The following CTIF variants were observed in gnomAD, a reference collection of about 807,000 sequenced individuals.
The protein encoded by CTIF is cap binding complex dependent translation initiation factor.
CTIF carries 21 observed loss-of-function variants against 66.0 expected under a neutral mutation model. That is an observed-to-expected ratio of 0.32 (90% CI 0.23 to 0.46). The LOEUF (loss-of-function observed/expected upper bound fraction) is 0.46. Among genes scored for constraint, CTIF ranks in the 20% least tolerant of loss-of-function variants. CTIF has a pLI of 1.00. For synonymous variants in CTIF, 345 were observed against 326.4 expected, an observed-to-expected ratio of 1.06 and a Z score of -0.62; for missense variants, 739 against 812.7, an observed-to-expected ratio of 0.91 and a Z score of 1.10.
intron 1 of CTIF, among the ~76,000 whole-genome samples, chr18:48,615,696 A>T (rs920979640): frequency 6.6e-6 from 1 of 152,218 alleles, no homozygotes; most frequent in African/African-American, 2.4e-5. Flanking sequence ...CTAGCTCCTC[A>T]TACTCCGGGT....
At chr18:48,798,278 A>T (rs117612268) in intron 9 of CTIF, among the ~76,000 whole-genome samples, 8 of 152,206 alleles carry the variant, frequency 5.3e-5, no homozygotes, top group Non-Finnish European at 1.0e-4. Context: ...ATTTAAAGAT[A>T]CAGTTAGACT....
intron 9 of CTIF, among the ~76,000 whole-genome samples, chr18:48,793,974 A>G (rs1231863854): frequency 1.3e-5 from 2 of 152,186 alleles, no homozygotes. Flanking sequence ...GATACTAAAA[A>G]TTAAGCACCT....
intron 9 of CTIF, among the ~76,000 whole-genome samples, chr18:48,791,699 C>G (rs2067797625): frequency 6.6e-6 from 1 of 152,240 alleles, no homozygotes; most frequent in Non-Finnish European, 1.5e-5. Context: ...TCACCTTCCT[C>G]CATGCCTCTC....
chr18:48,852,957 AG>A (rs768831687), intron 10 of CTIF, among the ~76,000 whole-genome samples: 11 of 152,162 alleles, frequency 7.2e-5, no homozygotes, highest in Non-Finnish European at 1.0e-4. Context: ...TTCTGGTGAC[AG>A]GGGTATGGGG....
intron 1 of CTIF, among the ~76,000 whole-genome samples, chr18:48,582,616 C>A (rs2089684499): frequency 6.6e-6 from 1 of 152,104 alleles, no homozygotes; most frequent in Admixed American, 6.5e-5. Flanking sequence ...ACGGCTGTGA[C>A]CTTCCTGGCT....
intron 6 of CTIF, among the ~76,000 whole-genome samples, chr18:48,676,587 T>C (rs1180930842): frequency 6.6e-6 from 1 of 152,102 alleles, no homozygotes; most frequent in Non-Finnish European, 1.5e-5. Flanking sequence ...GAAAGGGGCT[T>C]AGTGCCCACA....
At chr18:48,575,314 C>A (rs1321949808) in intron 1 of CTIF, among the ~76,000 whole-genome samples, 1 of 152,224 alleles carries the variant, frequency 6.6e-6, no homozygotes, top group Non-Finnish European at 1.5e-5. Flanking sequence ...TATGGCAACA[C>A]GGCCGAGTAA....
At chr18:48,732,088 T>G (rs1219800664) in intron 7 of CTIF, among the ~76,000 whole-genome samples, 2 of 152,226 alleles carry the variant, frequency 1.3e-5, no homozygotes, top group African/African-American at 2.4e-5. Context: ...TTTCCATTCC[T>G]ACCTTACAGC....
chr18:48,670,831 C>T, intron 6 of CTIF, 87 bp downstream of exon 6: 1 of 1,153,176 alleles, frequency 8.7e-7, no homozygotes, highest in South Asian at 1.3e-5. Flanking sequence ...CCAAAGCACT[C>T]CTTCTGGCTG....
At chr18:48,729,039 C>T (rs1406473280) in intron 7 of CTIF, among the ~76,000 whole-genome samples, 1 of 152,134 alleles carries the variant, frequency 6.6e-6, no homozygotes, top group African/African-American at 2.4e-5. Flanking sequence ...TCTGATTCAA[C>T]TTCAAACCTC....
At chr18:48,808,327 T>C (rs112668761) in intron 9 of CTIF, among the ~76,000 whole-genome samples, 164 of 152,336 alleles carry the variant, frequency 1.1e-3, no homozygotes, top group African/African-American at 3.8e-3. Context: ...CATACTTTTA[T>C]TACAAATTTG....
chr18:48,657,060 C>T (rs2091257117), intron 3 of CTIF, among the ~76,000 whole-genome samples: 1 of 152,312 alleles, frequency 6.6e-6, no homozygotes, highest in Non-Finnish European at 1.5e-5. Context: ...AGCCACGGTT[C>T]CCACCATCGA....
intron 1 of CTIF, among the ~76,000 whole-genome samples, chr18:48,559,179 T>C (rs912074252): frequency 2.0e-5 from 3 of 151,840 alleles, no homozygotes; most frequent in Non-Finnish European, 4.4e-5. Context: ...CATTGTCAAA[T>C]TTGTTTATGT....
At chr18:48,807,082 C>T (rs148446037) in intron 9 of CTIF, among the ~76,000 whole-genome samples, 71 of 152,254 alleles carry the variant, frequency 4.7e-4, no homozygotes, top group African/African-American at 1.6e-3. Flanking sequence ...TGGCTTGTTT[C>T]GGTTGGCAGA....
chr18:48,670,929 C>T (rs187894443), intron 6 of CTIF, among the ~76,000 whole-genome samples, 185 bp downstream of exon 6: 194 of 152,246 alleles, frequency 1.3e-3, no homozygotes, highest in African/African-American at 4.5e-3. Context: ...CCATTGTGAT[C>T]GTGTGTGTGA....
chr18:48,774,685 C>T (rs930718234), intron 9 of CTIF, among the ~76,000 whole-genome samples: 2 of 152,160 alleles, frequency 1.3e-5, no homozygotes, highest in East Asian at 3.9e-4. Flanking sequence ...TGTATGCACC[C>T]AGGTCATTCA....
At chr18:48,822,505 A>C (rs1420111665) in intron 10 of CTIF, among the ~76,000 whole-genome samples, 450 of 107,372 alleles carry the variant, frequency 4.2e-3, no homozygotes, top group Non-Finnish European at 6.3e-3. Context: ...CCCCACCCCC[A>C]ACACACACAC....
At chr18:48,636,058 C>T (rs907826711) in intron 2 of CTIF, among the ~76,000 whole-genome samples, 1 of 152,208 alleles carries the variant, frequency 6.6e-6, no homozygotes, top group African/African-American at 2.4e-5. Flanking sequence ...GGTTGTCAGA[C>T]CACACTTTGG....
At chr18:48,595,576 AC>A (rs2089974330) in intron 1 of CTIF, among the ~76,000 whole-genome samples, 1 of 151,948 alleles carries the variant, frequency 6.6e-6, no homozygotes, top group Admixed American at 6.6e-5. Context: ...AGCGGTGCAC[AC>A]CACCACACTA....
Sources: gnomAD v4.1 joint callset for allele counts (sites outside exome capture counted in the v4.1 genomes callset) on GRCh38, gnomAD v4.1.1 for gene constraint, MANE v1.5 for transcripts, NCBI Gene and HGNC (gene_info 2026-07-23, HGNC 2026-07-21) for gene names.